The following FHIP2A variants were observed in gnomAD, a reference collection of about 807,000 sequenced individuals.
FHIP2A encodes family with sequence similarity 160 member B1.
In FHIP2A, 46 loss-of-function variants were observed where a neutral mutation model predicts 93.5. That is an observed-to-expected ratio of 0.49 (90% CI 0.39 to 0.63). The LOEUF is 0.63. Ranked by LOEUF, FHIP2A falls within the 20% of genes least tolerant of loss-of-function variation. The pLI is 0.00. For synonymous variants in FHIP2A, 332 were observed against 326.5 expected (o/e 1.02, Z -0.18); for missense variants, 769 against 909.7 (o/e 0.85, Z 1.99).
Position 114,863,035 on chromosome 10 carries a change from G to A in FHIP2A, c.*1495G>A, listed in dbSNP as rs1431372771. 7.1e-6 allele frequency: 7 copies of A among 985,026 alleles called. No individual in the cohort carries two copies. The highest frequency in any genetic ancestry group is 8.4e-6 in the Non-Finnish European group (7 of 829,690). The allele number at this position is 985,026 out of a possible 1,614,324, so 61.0% of individuals were successfully genotyped here. ...TTGTTCTTGCTATTTATTAAGAACA[G>A]AATATCAAAAGATTATGAATAGCCT... On this transcript the variant is annotated 3_prime_UTR_variant, in exon 17 of 17. Transcript: ENST00000369248.
At chr10:114,835,018 T>G (rs1308215740) in intron 3 of FHIP2A, among the ~76,000 whole-genome samples, 2 of 152,248 alleles carry the variant, frequency 1.3e-5, no homozygotes, top group Non-Finnish European at 2.9e-5. Flanking sequence ...AGCTCTAATT[T>G]AAAATGATGT....
chr10:114,830,960 A>T (rs2083604413), intron 2 of FHIP2A, 30 bp downstream of exon 2: 1 of 1,363,138 alleles, frequency 7.3e-7, no homozygotes, highest in South Asian at 1.4e-5. Context: ...TTAACTGAAA[A>T]TTTGTGAAAG....
chr10:114,857,457 A>C (rs913178070), intron 14 of FHIP2A, among the ~76,000 whole-genome samples: 1 of 151,652 alleles, frequency 6.6e-6, no homozygotes, highest in African/African-American at 2.4e-5. Flanking sequence ...TCACAGGTGC[A>C]CACCACCACG....
At chr10:114,889,398 A>C (rs1050149134) in intron 16 of FHIP2A, among the ~76,000 whole-genome samples, 25 of 151,800 alleles carry the variant, frequency 1.6e-4, no homozygotes, top group African/African-American at 5.8e-4. Flanking sequence ...TGAGACAGGC[A>C]CTCTCTCTCC....
intron 16 of FHIP2A, among the ~76,000 whole-genome samples, chr10:114,886,850 G>A (rs1264155974): frequency 6.6e-6 from 1 of 151,236 alleles, no homozygotes; most frequent in African/African-American, 2.4e-5. Context: ...GTTTTGTTTT[G>A]TTGGTTTATT....
chr10:114,838,365 C>G (rs1268478307), intron 5 of FHIP2A, among the ~76,000 whole-genome samples: 3 of 151,996 alleles, frequency 2.0e-5, no homozygotes. Flanking sequence ...CTACGCATGC[C>G]CTTAACACTC....
intron 13 of FHIP2A, among the ~76,000 whole-genome samples, chr10:114,852,761 C>T (rs1566374808): frequency 6.6e-6 from 1 of 152,170 alleles, no homozygotes; most frequent in Non-Finnish European, 1.5e-5. Flanking sequence ...AGTATAAATA[C>T]TTAGACATCA....
intron 13 of FHIP2A, 103 bp from the exon 14 acceptor site, chr10:114,855,094 C>G: frequency 8.2e-7 from 1 of 1,222,370 alleles, no homozygotes; most frequent in Non-Finnish European, 1.1e-6. Context: ...AGCAGACATT[C>G]TGCATTCAAA....
At chr10:114,827,713 T>C (rs1053475508) in intron 1 of FHIP2A, among the ~76,000 whole-genome samples, 2 of 146,898 alleles carry the variant, frequency 1.4e-5, no homozygotes, top group Non-Finnish European at 3.0e-5. Context: ...AGGAGAATGG[T>C]GTGAACCCGG....
chr10:114,836,310 TTA>T, intron 5 of FHIP2A, 64 bp downstream of exon 5: 1 of 1,295,048 alleles, frequency 7.7e-7, no homozygotes, highest in East Asian at 2.4e-5. Flanking sequence ...GAAAATTGAA[TTA>T]TGTGAATAAT....
intron 1 of FHIP2A, among the ~76,000 whole-genome samples, chr10:114,825,253 T>C (rs1350970438): frequency 6.6e-6 from 1 of 152,194 alleles, no homozygotes; most frequent in Non-Finnish European, 1.5e-5. Context: ...CTCACATTTT[T>C]GGGCTTGAGT....
intron 16 of FHIP2A, among the ~76,000 whole-genome samples, chr10:114,896,392 C>T (rs2084001634): frequency 6.6e-6 from 1 of 152,038 alleles, no homozygotes. Context: ...TAGATTATTC[C>T]ATGGCATCTT....
downstream of FHIP2A, among the ~76,000 whole-genome samples, chr10:114,865,018 C>T (rs919535885): frequency 1.2e-4 from 18 of 151,936 alleles, no homozygotes; most frequent in Admixed American, 2.0e-4. Context: ...GGCAGAGTCT[C>T]GCTCTGTTCC....
chr10:114,851,308 T>C (rs1334774601), intron 13 of FHIP2A, among the ~76,000 whole-genome samples: 1 of 152,222 alleles, frequency 6.6e-6, no homozygotes, highest in Non-Finnish European at 1.5e-5. Context: ...CAAGATTACA[T>C]AGATTTTCAC....
chr10:114,849,639 T>C (rs969960567), intron 13 of FHIP2A, among the ~76,000 whole-genome samples: 1 of 152,244 alleles, frequency 6.6e-6, no homozygotes. Flanking sequence ...TTAACTATTT[T>C]AAAGTGTACA....
At chr10:114,851,714 C>CAAAAAAAAAA (rs60649106) in intron 13 of FHIP2A, among the ~76,000 whole-genome samples, 9 of 81,928 alleles carry the variant, frequency 1.1e-4, no homozygotes, top group Non-Finnish European at 1.5e-4. Flanking sequence ...TCCATTTCTG[C>CAAAAAAAAAA]AAAAAAAAAA....
At chr10:114,896,462 A>G (rs1689520091) in intron 16 of FHIP2A, among the ~76,000 whole-genome samples, 1 of 152,208 alleles carries the variant, frequency 6.6e-6, no homozygotes, top group African/African-American at 2.4e-5. Flanking sequence ...AAAATCACTA[A>G]GGAAAACTCA....
In FHIP2A at chr10:114,843,120, C is replaced by T. The variant is rs2083678890; in HGVS notation, c.710C>T (p.Thr237Ile). Residue 237 changes from threonine (T) to isoleucine (I), a missense_variant, in exon 6 of 17, where the codon ACA (threonine) becomes ATA (isoleucine). By Grantham distance (89) the Thr-to-Ile change is moderately conservative. Coordinates refer to ENST00000369248, the MANE Select transcript of FHIP2A (RefSeq NM_020940.4). ...CCTCATCAGATGGATCACCTGTCCA[C>T]AAGCTTGGATAACCTCAGTGTCACC... The part of the protein sequence containing the change: ...EPPHQMDHLS[T>I]SLDNLSVTSL... The T allele has an allele frequency of 6.2e-7, 1 of 1,613,942 alleles. No homozygotes were observed.
chr10:114,876,817 C>A (rs2083891812), intron 16 of FHIP2A, among the ~76,000 whole-genome samples: 1 of 152,196 alleles, frequency 6.6e-6, no homozygotes, highest in African/African-American at 2.4e-5. Flanking sequence ...CAGTGCACCC[C>A]ACTCGCCTCA....
Sources: gnomAD v4.1 joint callset for allele counts (sites outside exome capture counted in the v4.1 genomes callset) on GRCh38, gnomAD v4.1.1 for gene constraint, MANE v1.5 for transcripts, NCBI Gene and HGNC (gene_info 2026-07-23, HGNC 2026-07-21) for gene names.